Variants in CDK15 observed in about 807,000 individuals in gnomAD.
CDK15 encodes cyclin dependent kinase 15, also known as cyclin-dependent kinase 15.
CDK15 carries 62 observed loss-of-function variants against 60.3 expected under a neutral mutation model. That is an observed-to-expected ratio of 1.03 (90% confidence interval 0.84 to 1.27). The LOEUF is 1.27. CDK15 is among the 50% of genes most tolerant of loss of function. The pLI, the probability that CDK15 is intolerant of heterozygous loss-of-function variation, is 0.00. For missense variants in CDK15, 541 were observed against 527.8 expected, an observed-to-expected ratio of 1.03 and a Z score of -0.25; for synonymous variants, 194 against 195.7, an observed-to-expected ratio of 0.99 and a Z score of 0.07.
intron 9 of CDK15, among the ~76,000 whole-genome samples, chr2:201,854,048 T>C (rs185718031): frequency 6.8e-4 from 104 of 152,064 alleles, no homozygotes; most frequent in African/African-American, 2.4e-3. Context: ...GTGGCTTGCA[T>C]CTGTAATCCC....
At chr2:201,814,837 A>T (rs574016004) in intron 4 of CDK15, among the ~76,000 whole-genome samples, 2 of 152,352 alleles carry the variant, frequency 1.3e-5, no homozygotes, top group Admixed American at 1.3e-4. Flanking sequence ...CTTTCTATAC[A>T]GGTAGAATAC....
chr2:201,880,310 C>T, intron 12 of CDK15, 143 bp downstream of exon 12: 1 of 1,023,422 alleles, frequency 9.8e-7, no homozygotes, highest in South Asian at 1.7e-5. Flanking sequence ...ATCAGTTTGC[C>T]TGGGAGAAGC....
At chr2:201,870,338 C>T (rs1698804303) in intron 10 of CDK15, among the ~76,000 whole-genome samples, 1 of 152,076 alleles carries the variant, frequency 6.6e-6, no homozygotes, top group African/African-American at 2.4e-5. Flanking sequence ...TTTTGCCCAA[C>T]ATGATTAAAT....
Position 201,807,400 on chromosome 2 carries a change from G to A in CDK15, c.124-94G>A, listed in dbSNP as rs1695557666. On this transcript the variant is annotated intron_variant, in intron 1 of 13. Transcript: ENST00000652192. ...AGGAAGCTTAGAAAACATTTGAAGA[G>A]TGAAAATGAGGCAAATAAAGAAAAA... 3 of 1,323,124 alleles carry A rather than the reference G, an allele frequency of 2.3e-6. No homozygotes were observed. In the East Asian group the frequency reaches 7.0e-5, roughly 31 times the overall value. 82.0% of individuals were successfully genotyped at this position (1,323,124 alleles called of 1,614,324 possible). A position where few individuals can be genotyped will look rare whatever the true frequency, so the allele number is the denominator to read the frequency against.
At chr2:201,854,127 T>G (rs1698034469) in intron 9 of CDK15, among the ~76,000 whole-genome samples, 1 of 151,636 alleles carries the variant, frequency 6.6e-6, no homozygotes, top group South Asian at 2.1e-4. Context: ...TGAGCCGAGA[T>G]CGCATCACTG....
At chr2:201,818,369 G>T (rs1696080074) in intron 4 of CDK15, among the ~76,000 whole-genome samples, 1 of 152,048 alleles carries the variant, frequency 6.6e-6, no homozygotes, top group South Asian at 2.1e-4. Flanking sequence ...GTATACATAG[G>T]ATACATTAAT....
intron 10 of CDK15, among the ~76,000 whole-genome samples, chr2:201,855,325 G>A (rs1258996399): frequency 6.6e-6 from 1 of 152,192 alleles, no homozygotes; most frequent in Non-Finnish European, 1.5e-5. Flanking sequence ...GAAAGCTAAT[G>A]CAACAGAACA....
rs1314535302 is a variant in CDK15 at position 201,882,661 on chromosome 2, G to A, written c.1198+2494G>A. On this transcript the variant is annotated intron_variant, in intron 12 of 13. Coordinates refer to ENST00000652192, the MANE Select transcript of CDK15 (RefSeq NM_001366386.2). The surrounding 1 kb of genome is among the most constrained non-coding windows in gnomAD (Gnocchi z 4.0). ...TGTGTGCTTCTGTGTGTGTGTGCTCGTGCACATGAGTGCACGAGCATGTGT... is the reference window on the plus strand; with the variant it reads ...TGTGTGCTTCTGTGTGTGTGTGCTCATGCACATGAGTGCACGAGCATGTGT... Among the ~76,000 whole-genome samples the A allele has an allele frequency of 2.8e-5, 4 of 143,572 alleles. No homozygotes were observed. The highest frequency in any genetic ancestry group is 4.6e-4 in the South Asian group (2 of 4,360). 94.2% of individuals were successfully genotyped at this position (143,572 alleles called of 152,430 possible). A position where few individuals can be genotyped will look rare whatever the true frequency, so the allele number is the denominator to read the frequency against.
chr2:201,808,126 A>T (rs1388695348), intron 3 of CDK15, among the ~76,000 whole-genome samples, 174 bp downstream of exon 3: 2 of 152,232 alleles, frequency 1.3e-5, no homozygotes, highest in Non-Finnish European at 2.9e-5. Context: ...AAAGAAAAAC[A>T]AACCTGCCCT....
chr2:201,891,997 T>C (rs1699653099), intron 13 of CDK15, among the ~76,000 whole-genome samples: 1 of 152,230 alleles, frequency 6.6e-6, no homozygotes, highest in African/African-American at 2.4e-5. Flanking sequence ...CATTCTTTCT[T>C]TTGATCTCTA....
chr2:201,876,418 G>T, intron 11 of CDK15: 1 of 433,028 alleles, frequency 2.3e-6, no homozygotes, highest in Non-Finnish European at 4.5e-6. Context: ...CTTGCCAAAG[G>T]CCCAGATCCT....
intron 6 of CDK15, among the ~76,000 whole-genome samples, chr2:201,832,689 A>G (rs1482142662): frequency 6.6e-6 from 1 of 152,240 alleles, no homozygotes; most frequent in Non-Finnish European, 1.5e-5. Context: ...CAGGTATGCT[A>G]TGGTAGGTAA....
Position 201,882,357 on chromosome 2 carries a change from T to C in CDK15, c.1198+2190T>C, listed in dbSNP as rs1443213302. ...CTGCACTAGCGGGGGAAACCAGGAG[T>C]GCTCACAGCAGGAGGGAAGTTGACT... is the stretch of plus-strand genomic sequence containing the variant. On this transcript the variant is annotated intron_variant, in intron 12 of 13. Coordinates refer to ENST00000652192, the MANE Select transcript of CDK15 (RefSeq NM_001366386.2). The surrounding 1 kb of genome is among the most constrained non-coding windows in gnomAD (Gnocchi z 4.0). 1.3e-5 allele frequency among the ~76,000 whole-genome samples: 2 copies of C among 152,028 alleles called. No homozygotes were observed. Among genetic ancestry groups the C allele is most frequent in the Non-Finnish European group, 2.9e-5 (2 of 67,992 alleles).
intron 2 of CDK15, 84 bp from the exon 3 acceptor site, chr2:201,807,774 T>TG: frequency 1.3e-6 from 2 of 1,546,432 alleles, no homozygotes; most frequent in Non-Finnish European, 1.8e-6. Context: ...CTAATTTCCC[T>TG]GGGGAAAAAA....
intron 8 of CDK15, among the ~76,000 whole-genome samples, chr2:201,837,986 T>C (rs1400024167): frequency 6.6e-6 from 1 of 152,156 alleles, no homozygotes; most frequent in East Asian, 1.9e-4. Flanking sequence ...CTCCTGAAAC[T>C]GTCAGCTCAC....
intron 9 of CDK15, among the ~76,000 whole-genome samples, chr2:201,851,291 CAAAAAA>C (rs1176883047): frequency 3.6e-5 from 1 of 27,752 alleles, no homozygotes; most frequent in African/African-American, 1.8e-4. Context: ...GACTTCATCT[CAAAAAA>C]AAAAAAAAAA....
At chr2:201,875,510 T>G (rs1465601398) in intron 11 of CDK15, among the ~76,000 whole-genome samples, 1 of 152,210 alleles carries the variant, frequency 6.6e-6, no homozygotes, top group African/African-American at 2.4e-5. Flanking sequence ...TGAGAATATT[T>G]GTTACAGCGT....
intron 10 of CDK15, among the ~76,000 whole-genome samples, chr2:201,860,054 T>C (rs1444924472): frequency 6.6e-6 from 1 of 152,224 alleles, no homozygotes; most frequent in Admixed American, 6.5e-5. Context: ...GTTTTTAATG[T>C]GTCATTGATT....
At chr2:201,868,681 G>A (rs11677927) in intron 10 of CDK15, among the ~76,000 whole-genome samples, 54,659 of 147,626 alleles carry the variant, frequency 0.37, 11,303 homozygotes, top group African/African-American at 0.55. Flanking sequence ...ACTTAAATAA[G>A]TTTACAAAAA....
Sources: allele counts gnomAD v4.1 joint callset (sites outside exome capture counted in the v4.1 genomes callset), GRCh38; gene constraint gnomAD v4.1.1; non-coding constraint Gnocchi (gnomAD v3.1); transcripts MANE v1.5; gene names NCBI Gene and HGNC (gene_info 2026-07-23, HGNC 2026-07-21).